The following ESRRG variants were observed in gnomAD, a reference collection of about 807,000 sequenced individuals.
The protein encoded by ESRRG is estrogen related receptor gamma.
Under a neutral mutation model 44.0 loss-of-function variants are expected in ESRRG, and 13 were observed. The ratio of observed to expected loss-of-function variants is 0.30; its 90% confidence interval spans 0.19 to 0.47. The LOEUF (loss-of-function observed/expected upper bound fraction) is 0.47. ESRRG is among the 20% of genes least tolerant of loss of function. The pLI is 1.00. For missense variants in ESRRG, 395 were observed against 580.6 expected, an observed-to-expected ratio of 0.68 and a Z score of 3.29; for synonymous variants, 215 against 214.6, an observed-to-expected ratio of 1.00 and a Z score of -0.02.
intron 1 of ESRRG, among the ~76,000 whole-genome samples, chr1:216,697,259 C>T (rs976216507): frequency 6.6e-6 from 1 of 152,172 alleles, no homozygotes; most frequent in African/African-American, 2.4e-5. Context: ...AGCCACTGCA[C>T]CTGGCCCCAA....
At chr1:216,939,837 T>C (rs1190507505) in intron 1 of ESRRG, among the ~76,000 whole-genome samples, 1 of 152,104 alleles carries the variant, frequency 6.6e-6, no homozygotes, top group Non-Finnish European at 1.5e-5. Flanking sequence ...CTTTAGCAAG[T>C]CTTTGATTTT....
At chr1:216,708,893 G>A (rs569519353) in intron 1 of ESRRG, among the ~76,000 whole-genome samples, 1 of 152,126 alleles carries the variant, frequency 6.6e-6, no homozygotes, top group Non-Finnish European at 1.5e-5. Flanking sequence ...CATAAAAAAA[G>A]GATGAGTTCA....
intron 1 of ESRRG, among the ~76,000 whole-genome samples, chr1:217,115,027 G>A (rs1178124623): frequency 1.3e-5 from 2 of 151,986 alleles, no homozygotes; most frequent in East Asian, 1.9e-4. Flanking sequence ...GAAGAGGGCG[G>A]CACTCCGTGC....
intron 2 of ESRRG, among the ~76,000 whole-genome samples, chr1:216,881,834 A>G (rs2096453070): frequency 6.6e-6 from 1 of 152,216 alleles, no homozygotes; most frequent in South Asian, 2.1e-4. Flanking sequence ...CTAATAGGAA[A>G]GATGTGTTGT....
At chr1:216,560,636 T>C (rs1248246672) in intron 5 of ESRRG, among the ~76,000 whole-genome samples, 1 of 152,174 alleles carries the variant, frequency 6.6e-6, no homozygotes, top group Non-Finnish European at 1.5e-5. Flanking sequence ...ATAATCGTCT[T>C]ATCACACCCT....
intron 1 of ESRRG, among the ~76,000 whole-genome samples, chr1:216,970,930 GCA>G (rs1231840414): frequency 6.6e-6 from 1 of 151,946 alleles, no homozygotes; most frequent in African/African-American, 2.4e-5. Flanking sequence ...TTTGACCCAG[GCA>G]CAGAGAATAA....
chr1:217,085,510 T>A (rs867523074), intron 1 of ESRRG, among the ~76,000 whole-genome samples: 184 of 82,608 alleles, frequency 2.2e-3, no homozygotes, highest in South Asian at 6.2e-3. Context: ...TTTTTTTTTT[T>A]AGACGAAGTC....
At chr1:216,760,409 C>T (rs1337642020) in intron 2 of ESRRG, among the ~76,000 whole-genome samples, 2 of 151,580 alleles carry the variant, frequency 1.3e-5, no homozygotes, top group African/African-American at 4.8e-5. Flanking sequence ...TATATAATAA[C>T]TGATATCCAT....
intron 1 of ESRRG, among the ~76,000 whole-genome samples, chr1:217,022,756 TC>T (rs2080547159): frequency 6.6e-6 from 1 of 151,770 alleles, no homozygotes; most frequent in Non-Finnish European, 1.5e-5. Context: ...CAGTTTGGCA[TC>T]CCCCACATCT....
chr1:216,686,665 G>T (rs1362527965), intron 1 of ESRRG, among the ~76,000 whole-genome samples: 1 of 152,020 alleles, frequency 6.6e-6, no homozygotes, highest in Non-Finnish European at 1.5e-5. Flanking sequence ...TCTGCCGCTT[G>T]CTTTTCTTCT....
intron 5 of ESRRG, among the ~76,000 whole-genome samples, chr1:216,526,886 C>T (rs1357508258): frequency 2.0e-5 from 3 of 152,142 alleles, no homozygotes; most frequent in African/African-American, 7.2e-5. Flanking sequence ...AATGACTCAA[C>T]TTTGCTGGTT....
At chr1:216,683,475 T>C (rs947060545) in intron 1 of ESRRG, among the ~76,000 whole-genome samples, 1 of 152,196 alleles carries the variant, frequency 6.6e-6, no homozygotes, top group African/African-American at 2.4e-5. Flanking sequence ...AAAGACTCTC[T>C]CTAGCTTACT....
intron 1 of ESRRG, among the ~76,000 whole-genome samples, chr1:216,685,485 C>T (rs1001854661): frequency 6.6e-6 from 1 of 152,130 alleles, no homozygotes; most frequent in African/African-American, 2.4e-5. Context: ...AGTCAAGGAG[C>T]ACACCAAAGA....
At chr1:217,115,453 C>T (rs1325614423) in intron 1 of ESRRG, among the ~76,000 whole-genome samples, 3 of 152,084 alleles carry the variant, frequency 2.0e-5, no homozygotes, top group Non-Finnish European at 4.4e-5. Flanking sequence ...GATCCGTAAA[C>T]ATTTCCCCTA....
At chr1:216,663,285 C>T (rs1242152534) in intron 2 of ESRRG, among the ~76,000 whole-genome samples, 1 of 152,274 alleles carries the variant, frequency 6.6e-6, no homozygotes, top group African/African-American at 2.4e-5. Flanking sequence ...GAGGACAACA[C>T]ATTGGGCTAC....
intron 1 of ESRRG, among the ~76,000 whole-genome samples, chr1:216,949,232 A>G (rs1457306405): frequency 6.6e-6 from 1 of 152,190 alleles, no homozygotes; most frequent in Non-Finnish European, 1.5e-5. Context: ...TGATTCCCTC[A>G]TTCTTTGTTT....
intron 1 of ESRRG, among the ~76,000 whole-genome samples, chr1:216,693,790 T>C (rs2079565459): frequency 6.6e-6 from 1 of 152,222 alleles, no homozygotes; most frequent in Non-Finnish European, 1.5e-5. Flanking sequence ...GAGAAATGAC[T>C]GTACAAACTT....
At chr1:216,759,795 C>T (rs1163203574) in intron 2 of ESRRG, among the ~76,000 whole-genome samples, 1 of 152,056 alleles carries the variant, frequency 6.6e-6, no homozygotes, top group Non-Finnish European at 1.5e-5. Flanking sequence ...GGTCATACCT[C>T]ATTCATATCT....
chr1:216,996,955 A>T (rs996001541), intron 1 of ESRRG, among the ~76,000 whole-genome samples: 1 of 152,212 alleles, frequency 6.6e-6, no homozygotes, highest in African/African-American at 2.4e-5. Flanking sequence ...GTGAAAAAAA[A>T]TCAAAATCAA....
Sources: allele counts gnomAD v4.1 joint callset (sites outside exome capture counted in the v4.1 genomes callset), GRCh38; gene constraint gnomAD v4.1.1; transcripts MANE v1.5; gene names NCBI Gene and HGNC (gene_info 2026-07-23, HGNC 2026-07-21).